ZNF365: variants seen among roughly 807,000 people sequenced by gnomAD.
ZNF365 encodes the protein zinc finger protein 365, also known as protein ZNF365.
ZNF365 carries 22 observed loss-of-function variants against 35.0 expected under a neutral mutation model. The observed-to-expected ratio is 0.63, with a 90% CI of 0.45 to 0.90. ZNF365 has a LOEUF of 0.90. Among genes scored for constraint, ZNF365 ranks in the 40% least tolerant of loss-of-function variants. The pLI is 0.00. For missense variants in ZNF365, 448 were observed against 500.3 expected, an observed-to-expected ratio of 0.90 and a Z score of 1.00; for synonymous variants, 188 against 196.2, an observed-to-expected ratio of 0.96 and a Z score of 0.35.
At chr10:62,464,376 T>C (rs1204175337) in intron 4 of ZNF365, among the ~76,000 whole-genome samples, 1 of 152,208 alleles carries the variant, frequency 6.6e-6, no homozygotes, top group African/African-American at 2.4e-5. Context: ...TGTAACTAAA[T>C]CATTTTCTCT....
intron 3 of ZNF365, among the ~76,000 whole-genome samples, chr10:62,449,309 G>A (rs1409697762): frequency 6.6e-6 from 1 of 152,154 alleles, no homozygotes; most frequent in East Asian, 1.9e-4. Flanking sequence ...GGTTGTTTTG[G>A]GGGGCAAGGG....
Position 62,402,036 on chromosome 10 carries a change from C to T in ZNF365, c.*2247C>T. The stretch of plus-strand genomic sequence containing the variant: ...ACATGGGAGATGGCTTACTCAGAAG[C>T]ATACTCCACTTAACATACCATGGCC... On this transcript the variant is annotated 3_prime_UTR_variant, in exon 5 of 5. Transcript: ENST00000395254. 1.4e-5 allele frequency: 14 copies of T among 985,672 alleles called. No individual in the cohort carries two copies. Among genetic ancestry groups the T allele is most frequent in the Non-Finnish European group, 1.7e-5 (14 of 829,914 alleles). The allele number at this position is 985,672 out of a possible 1,614,324, so 61.1% of individuals were successfully genotyped here.
intron 3 of ZNF365, among the ~76,000 whole-genome samples, chr10:62,391,607 G>A (rs74662530): frequency 0.054 from 8,223 of 152,244 alleles, 488 homozygotes; most frequent in African/African-American, 0.15. Flanking sequence ...GGTATTCCAC[G>A]GTATATATAA....
chr10:62,406,541 G>A (rs752440621), downstream of ZNF365, among the ~76,000 whole-genome samples: 358 of 152,164 alleles, frequency 2.4e-3, 6 homozygotes, highest in Non-Finnish European at 5.4e-4. Context: ...TCCTCAATAA[G>A]GTATTTGTGG....
intron 3 of ZNF365, among the ~76,000 whole-genome samples, chr10:62,452,073 G>A (rs185038937): frequency 6.6e-5 from 10 of 152,272 alleles, no homozygotes; most frequent in Non-Finnish European, 1.2e-4. Context: ...GATTCCCGAA[G>A]GTCTATCTAG....
intron 2 of ZNF365, among the ~76,000 whole-genome samples, chr10:62,378,767 C>T (rs573677243): frequency 4.0e-4 from 61 of 152,240 alleles, no homozygotes; most frequent in Non-Finnish European, 1.8e-4. Context: ...GCCAATTGCA[C>T]GCTGAATTGT....
intron 3 of ZNF365, among the ~76,000 whole-genome samples, chr10:62,411,826 C>G (rs926581246): frequency 6.6e-6 from 1 of 152,018 alleles, no homozygotes; most frequent in African/African-American, 2.4e-5. Flanking sequence ...ACCAGAATCT[C>G]TGGGATGCAG....
chr10:62,465,384 CGT>C (rs1564600508), intron 4 of ZNF365, among the ~76,000 whole-genome samples: 1 of 151,994 alleles, frequency 6.6e-6, no homozygotes, highest in African/African-American at 2.4e-5. Flanking sequence ...GTGGATGGCA[CGT>C]TGATGGTGGT....
intron 3 of ZNF365, among the ~76,000 whole-genome samples, chr10:62,420,600 G>A (rs1840151271): frequency 1.3e-5 from 2 of 152,176 alleles, no homozygotes; most frequent in Admixed American, 1.3e-4. Context: ...AAGCTTTACT[G>A]TCTCTGGCAG....
intron 3 of ZNF365, among the ~76,000 whole-genome samples, chr10:62,454,891 G>A (rs1840738291): frequency 6.6e-6 from 1 of 152,218 alleles, no homozygotes; most frequent in African/African-American, 2.4e-5. Context: ...GCTGATTGGA[G>A]TGGGAGCTCT....
At chr10:62,422,406 T>G (rs1840184131) in intron 3 of ZNF365, among the ~76,000 whole-genome samples, 1 of 152,186 alleles carries the variant, frequency 6.6e-6, no homozygotes, top group Non-Finnish European at 1.5e-5. Context: ...CTGCTCTGAC[T>G]CATTTACCAG....
chr10:62,426,071 G>A (rs769613459), intron 3 of ZNF365, among the ~76,000 whole-genome samples: 5 of 151,960 alleles, frequency 3.3e-5, no homozygotes, highest in Non-Finnish European at 5.9e-5. Flanking sequence ...GCCTATACTA[G>A]CGGTTTTATT....
intron 3 of ZNF365, among the ~76,000 whole-genome samples, chr10:62,410,350 T>C (rs899522174): frequency 6.6e-6 from 1 of 152,170 alleles, no homozygotes; most frequent in African/African-American, 2.4e-5. Flanking sequence ...GTAGAATGTA[T>C]AGAGGAATCT....
intron 3 of ZNF365, among the ~76,000 whole-genome samples, chr10:62,390,693 A>G (rs1839612149): frequency 6.6e-6 from 1 of 152,242 alleles, no homozygotes; most frequent in African/African-American, 2.4e-5. Flanking sequence ...TGAACATCAT[A>G]GAGTGTATTT....
At chr10:62,468,256 T>A (rs1192750719) in intron 4 of ZNF365, among the ~76,000 whole-genome samples, 2 of 152,260 alleles carry the variant, frequency 1.3e-5, no homozygotes, top group African/African-American at 4.8e-5. Context: ...ATATTTCCTA[T>A]GTTTCTATAC....
intron 3 of ZNF365, among the ~76,000 whole-genome samples, chr10:62,428,351 G>A (rs1048195986): frequency 1.3e-5 from 2 of 152,092 alleles, no homozygotes; most frequent in African/African-American, 2.4e-5. Context: ...GGACCTGGTG[G>A]GATGAAATTG....
At chr10:62,379,625 G>A (rs1245723911) in intron 2 of ZNF365, among the ~76,000 whole-genome samples, 1 of 152,104 alleles carries the variant, frequency 6.6e-6, no homozygotes, top group Non-Finnish European at 1.5e-5. Flanking sequence ...AGTGTCTGCA[G>A]CGTCTGGCCT....
intron 3 of ZNF365, among the ~76,000 whole-genome samples, chr10:62,456,898 G>T (rs1840770176): frequency 6.6e-6 from 1 of 152,086 alleles, no homozygotes; most frequent in African/African-American, 2.4e-5. Context: ...TACTTAACAT[G>T]TGTATGTGTG....
At chr10:62,479,490 CATCAGGCTTT>C (rs1052693347) in intron 4 of ZNF365, among the ~76,000 whole-genome samples, 79 of 152,310 alleles carry the variant, frequency 5.2e-4, no homozygotes, top group African/African-American at 1.7e-3. Flanking sequence ...ACCTCTGGCT[CATCAGGCTTT>C]ATCTTGCACT....
Sources: allele counts gnomAD v4.1 joint callset (sites outside exome capture counted in the v4.1 genomes callset), GRCh38; gene constraint gnomAD v4.1.1; transcripts MANE v1.5; gene names NCBI Gene and HGNC (gene_info 2026-07-23, HGNC 2026-07-21).